Variants in DSCAM observed in about 807,000 individuals in gnomAD.
DSCAM encodes DS cell adhesion molecule, also known as cell adhesion molecule DSCAM.
A neutral mutation model predicts 217.7 loss-of-function variants in DSCAM; 47 were observed. The ratio of observed to expected loss-of-function variants is 0.22; its 90% confidence interval spans 0.17 to 0.28. The LOEUF is 0.28. DSCAM is among the 10% of genes least tolerant of loss of function. The probability of loss-of-function intolerance (pLI) is 1.00; values close to 1 mark genes in which losing one functional copy is unlikely to be tolerated. For synonymous variants in DSCAM, 1,056 were observed against 1,015.3 expected, an observed-to-expected ratio of 1.04 and a Z score of -0.76; for missense variants, 2,080 against 2,618.3, an observed-to-expected ratio of 0.79 and a Z score of 4.49.
intron 3 of DSCAM, among the ~76,000 whole-genome samples, chr21:40,545,760 A>G (rs555715175): frequency 6.6e-6 from 1 of 152,334 alleles, no homozygotes; most frequent in East Asian, 1.9e-4. Context: ...CCAGCCTCCA[A>G]CACTTACTGA....
chr21:40,778,996 C>G (rs914324470), intron 1 of DSCAM, among the ~76,000 whole-genome samples: 12 of 136,626 alleles, frequency 8.8e-5, no homozygotes, highest in African/African-American at 3.3e-4. Flanking sequence ...TGCACTCCAG[C>G]CTGGGCAACA....
intron 32 of DSCAM, among the ~76,000 whole-genome samples, chr21:40,039,732 C>T (rs934757347): frequency 2.0e-5 from 3 of 151,982 alleles, no homozygotes; most frequent in African/African-American, 7.3e-5. Context: ...TTTTCTGAAG[C>T]CACAGTCTGG....
chr21:40,173,877 G>A (rs963576669), intron 15 of DSCAM, among the ~76,000 whole-genome samples: 3 of 152,118 alleles, frequency 2.0e-5, no homozygotes, highest in Non-Finnish European at 4.4e-5. Flanking sequence ...CAAATTCAGT[G>A]GTGTTTCAAT....
chr21:40,276,403 G>C (rs2073688398), intron 10 of DSCAM, 133 bp from the exon 11 acceptor site: 4 of 676,896 alleles, frequency 5.9e-6, no homozygotes, highest in African/African-American at 1.8e-5. Flanking sequence ...GGATACACCA[G>C]GTTTTTCTTT....
At chr21:40,455,733 C>T (rs1398509301) in intron 3 of DSCAM, among the ~76,000 whole-genome samples, 1 of 150,832 alleles carries the variant, frequency 6.6e-6, no homozygotes, top group Non-Finnish European at 1.5e-5. Flanking sequence ...CACCCCACTG[C>T]ATTCCAGCTT....
intron 12 of DSCAM, among the ~76,000 whole-genome samples, chr21:40,188,617 G>T: frequency 6.6e-6 from 1 of 151,620 alleles, no homozygotes; most frequent in East Asian, 1.9e-4. Context: ...TTTAACGACA[G>T]ATTTTTTTTT....
chr21:40,505,959 A>T (rs1264975771), intron 3 of DSCAM, among the ~76,000 whole-genome samples: 1 of 152,198 alleles, frequency 6.6e-6, no homozygotes, highest in Non-Finnish European at 1.5e-5. Context: ...TCATTCAAGA[A>T]AATGTTCAAA....
chr21:40,582,849 G>A (rs1432768096), intron 3 of DSCAM, among the ~76,000 whole-genome samples: 1 of 152,120 alleles, frequency 6.6e-6, no homozygotes, highest in African/African-American at 2.4e-5. Context: ...TGGGCCAGAT[G>A]GAGCAATAGA....
chr21:40,630,085 G>A (rs941125076), intron 3 of DSCAM, among the ~76,000 whole-genome samples: 1 of 152,160 alleles, frequency 6.6e-6, no homozygotes, highest in African/African-American at 2.4e-5. Flanking sequence ...ACAGGAAGAG[G>A]TGTGGTGGCC....
At chr21:40,461,738 T>G (rs2075807665) in intron 3 of DSCAM, among the ~76,000 whole-genome samples, 4 of 152,142 alleles carry the variant, frequency 2.6e-5, no homozygotes, top group Admixed American at 2.6e-4. Flanking sequence ...CATGAGTTCT[T>G]AAAAGTGGAA....
intron 11 of DSCAM, among the ~76,000 whole-genome samples, chr21:40,262,854 GT>G (rs1176749317): frequency 6.6e-6 from 1 of 152,216 alleles, no homozygotes; most frequent in East Asian, 1.9e-4. Context: ...CTCAGCAAAT[GT>G]TTCTTGAATC....
At chr21:40,726,190 G>A (rs916258763) in intron 1 of DSCAM, among the ~76,000 whole-genome samples, 1 of 152,124 alleles carries the variant, frequency 6.6e-6, no homozygotes, top group South Asian at 2.1e-4. Context: ...TTAGTCCGTT[G>A]GAGAATTTGG....
intron 1 of DSCAM, among the ~76,000 whole-genome samples, chr21:40,797,267 C>T (rs924240883): frequency 1.3e-5 from 2 of 152,148 alleles, no homozygotes; most frequent in African/African-American, 2.4e-5. Context: ...TTCCTAAACA[C>T]AAGTTCTCAT....
Position 40,562,060 on chromosome 21 carries a change from C to T in DSCAM, c.508+130750G>A, listed in dbSNP as rs531195465. On this transcript the variant is annotated intron_variant, in intron 3 of 32. Transcript: ENST00000400454. ...GTCTCTCCTTATAAGGGATGGGTTC[C>T]ACTCTTGGGCTCAAATGTTTTGCTT... is the stretch of plus-strand genomic sequence containing the variant. Among the ~76,000 whole-genome samples, 7 of 152,252 alleles carry T rather than the reference C, an allele frequency of 4.6e-5. No individual in the cohort carries two copies. The South Asian group carries it at 1.4e-3, about 32-fold the overall frequency.
At chr21:40,296,856 G>T (rs111512624) in intron 9 of DSCAM, among the ~76,000 whole-genome samples, 8,384 of 121,674 alleles carry the variant, frequency 0.069, 305 homozygotes, top group East Asian at 0.14. Context: ...AAAAAAAAAA[G>T]TAGATCAAAT....
At chr21:40,328,972 C>T (rs1043375499) in intron 8 of DSCAM, among the ~76,000 whole-genome samples, 1 of 152,100 alleles carries the variant, frequency 6.6e-6, no homozygotes, top group Non-Finnish European at 1.5e-5. Context: ...GTTATCATCT[C>T]ACACATGTTA....
chr21:40,593,601 C>T (rs1034696552), intron 3 of DSCAM, among the ~76,000 whole-genome samples: 2 of 152,196 alleles, frequency 1.3e-5, no homozygotes, highest in African/African-American at 4.8e-5. Context: ...CCACCTTGGC[C>T]TCCCAAAGTG....
chr21:40,248,861 G>A (rs530685427), intron 11 of DSCAM, among the ~76,000 whole-genome samples: 1 of 152,308 alleles, frequency 6.6e-6, no homozygotes, highest in East Asian at 1.9e-4. Context: ...AGTTCCACAT[G>A]GCTGAGGAGG....
chr21:40,617,612 C>T (rs530651362), intron 3 of DSCAM, among the ~76,000 whole-genome samples: 40 of 152,306 alleles, frequency 2.6e-4, no homozygotes, highest in South Asian at 8.3e-4. Flanking sequence ...AATTGTTTTT[C>T]GTGGGAACAT....
Sources: allele counts gnomAD v4.1 joint callset (sites outside exome capture counted in the v4.1 genomes callset), GRCh38; gene constraint gnomAD v4.1.1; transcripts MANE v1.5; gene names NCBI Gene and HGNC (gene_info 2026-07-23, HGNC 2026-07-21).